The following MS4A5 variants were observed in gnomAD, a reference collection of about 807,000 sequenced individuals.
MS4A5 encodes membrane-spanning 4-domains subfamily A member 5.
In MS4A5, 15 loss-of-function variants were observed where a neutral mutation model predicts 18.2. The observed-to-expected ratio is 0.83, with a 90% CI of 0.55 to 1.27. The LOEUF (loss-of-function observed/expected upper bound fraction) is 1.27, where lower values mean the gene tolerates loss of function less well. Among genes scored for constraint, MS4A5 ranks in the 50% most tolerant of loss-of-function variants. The pLI, the probability that MS4A5 is intolerant of heterozygous loss-of-function variation, is 0.00. For synonymous variants in MS4A5, 89 were observed against 78.7 expected (o/e 1.13, Z -0.69); for missense variants, 232 against 225.7 (o/e 1.03, Z -0.18).
chr11:60,435,669 C>G (rs535916942), intron 4 of MS4A5, among the ~76,000 whole-genome samples: 2 of 152,322 alleles, frequency 1.3e-5, no homozygotes, highest in South Asian at 4.1e-4. Flanking sequence ...AAAGGGGTGA[C>G]GGACGGCACC....
intron 4 of MS4A5, among the ~76,000 whole-genome samples, chr11:60,444,593 A>T (rs1034231754): frequency 6.6e-5 from 10 of 152,218 alleles, no homozygotes; most frequent in African/African-American, 9.6e-5. Flanking sequence ...AGGCCAAAAA[A>T]AGATTAAGAC....
At chr11:60,440,863 G>A (rs2086107672) in intron 4 of MS4A5, among the ~76,000 whole-genome samples, 1 of 133,004 alleles carries the variant, frequency 7.5e-6, no homozygotes, top group Non-Finnish European at 1.6e-5. Flanking sequence ...GTGGAAGTCA[G>A]TGTGGCAATT....
rs184467115 is a variant in MS4A5, at chr11:60,436,437, C to A, written c.492+2520C>A. The stretch of plus-strand genomic sequence containing the variant: ...AAAGCTGGATGGAGAATGACTTTGA[C>A]GAGTTGAGAGGAGGCTTCAGACGAT... On this transcript the variant is annotated intron_variant, in intron 4 of 4. Transcript: ENST00000300190. 2.7e-4 allele frequency among the ~76,000 whole-genome samples: 37 copies of A among 139,222 alleles called. 9 individuals are homozygous for A. The highest frequency in any genetic ancestry group is 1.8e-3 in the Admixed American group (24 of 13,202). The allele number at this position is 139,222 out of a possible 152,430, so 91.3% of individuals were successfully genotyped here. A position where few individuals can be genotyped will look rare whatever the true frequency, so the allele number is the denominator to read the frequency against.
At chr11:60,445,265 C>CTT (rs201028859) in intron 4 of MS4A5, among the ~76,000 whole-genome samples, 1 of 145,544 alleles carries the variant, frequency 6.9e-6, no homozygotes, top group Non-Finnish European at 1.5e-5. Context: ...GACATTTCTT[C>CTT]TTTTTTTTTT....
At chr11:60,433,153 C>G (rs1565186598) in intron 3 of MS4A5, among the ~76,000 whole-genome samples, 1 of 152,122 alleles carries the variant, frequency 6.6e-6, no homozygotes, top group African/African-American at 2.4e-5. Flanking sequence ...GCATACCAGG[C>G]ACTTTGACAG....
chr11:60,432,441 G>A lies in MS4A5; in HGVS notation c.313G>A (p.Val105Met), dbSNP rs767437800. ...FINSGAFLIAVKRKTTETLII... is the reference protein window; with the variant it reads ...FINSGAFLIAMKRKTTETLII... The stretch of plus-strand genomic sequence containing the variant: ...TAATTCTGGAGCCTTCCTAATTGCA[G>A]TGAAAAGAAAAACCACAGAAACTCT... Residue 105 changes from valine to methionine, a missense_variant, in exon 3 of 5, where the codon GTG (valine) becomes ATG (methionine). Val to Met is a conservative substitution (Grantham distance 21, BLOSUM62 1). Coordinates refer to ENST00000300190, the MANE Select transcript of MS4A5 (RefSeq NM_023945.3). The A allele has an allele frequency of 6.3e-7, 1 of 1,593,310 alleles. No individual in the cohort carries two copies. Among genetic ancestry groups the A allele is most frequent in the South Asian group, 1.1e-5 (1 of 89,652 alleles).
chr11:60,444,097 C>G (rs1236511888), intron 4 of MS4A5, among the ~76,000 whole-genome samples: 1 of 152,206 alleles, frequency 6.6e-6, no homozygotes, highest in Non-Finnish European at 1.5e-5. Flanking sequence ...CTTCCCAACT[C>G]ACGAGTATTC....
chr11:60,443,000 G>C (rs2086122019), intron 4 of MS4A5, among the ~76,000 whole-genome samples: 1 of 152,124 alleles, frequency 6.6e-6, no homozygotes, highest in South Asian at 2.1e-4. Context: ...AATTAGCAGG[G>C]CATGGTGGTG....
chr11:60,434,846 AAAG>A (rs1367255439), intron 4 of MS4A5, among the ~76,000 whole-genome samples: 1 of 152,192 alleles, frequency 6.6e-6, no homozygotes, highest in African/African-American at 2.4e-5. Context: ...ACTGAAAGAG[AAAG>A]AAGTCAAGGT....
Position 60,433,909 on chromosome 11 carries a change from C to T in MS4A5, c.484C>T (p.Leu162=). The T allele has an allele frequency of 1.4e-5, 23 of 1,613,572 alleles. No homozygotes were observed. Among genetic ancestry groups the T allele is most frequent in the Non-Finnish European group, 1.9e-5 (23 of 1,179,770 alleles). The change falls in exon 4 of 5, where the codon CTG becomes TTG. Residue 162 remains leucine (L), a synonymous_variant. Transcript: ENST00000300190. ...TAGTCAGTGTAAGGCTGTTACTGTC[C>T]TGTTCTTGGTAAGTATGTTGCATTT... ...QNSQCKAVTV[L]FLGILITLMT...
intron 4 of MS4A5, among the ~76,000 whole-genome samples, chr11:60,440,663 A>G (rs1388021420): frequency 2.0e-5 from 3 of 149,452 alleles, no homozygotes; most frequent in South Asian, 2.1e-4. Flanking sequence ...GCAGCCAAAA[A>G]ACACATGAAA....
intron 4 of MS4A5, among the ~76,000 whole-genome samples, chr11:60,438,480 C>A (rs972600990): frequency 6.4e-4 from 98 of 151,956 alleles, no homozygotes; most frequent in Non-Finnish European, 1.3e-3. Context: ...TTAATGAATC[C>A]AGGAGCTGGT....
chr11:60,446,091 C>A (rs1258052202), intron 4 of MS4A5, among the ~76,000 whole-genome samples: 11 of 151,596 alleles, frequency 7.3e-5, no homozygotes, highest in African/African-American at 1.9e-4. Flanking sequence ...AACAAACAAA[C>A]AAAAAAACAC....
At chr11:60,437,537 G>A (rs2086087148) in intron 4 of MS4A5, among the ~76,000 whole-genome samples, 1 of 152,152 alleles carries the variant, frequency 6.6e-6, no homozygotes, top group Admixed American at 6.5e-5. Flanking sequence ...CATCTCATGT[G>A]CAGAGACACA....
chr11:60,444,308 C>T (rs1367056726), intron 4 of MS4A5, among the ~76,000 whole-genome samples: 1 of 152,158 alleles, frequency 6.6e-6, no homozygotes, highest in Non-Finnish European at 1.5e-5. Flanking sequence ...CACATTCAAA[C>T]ATCAATCAGT....
intron 4 of MS4A5, among the ~76,000 whole-genome samples, chr11:60,438,477 A>G (rs2086092812): frequency 6.6e-6 from 1 of 152,136 alleles, no homozygotes; most frequent in African/African-American, 2.4e-5. Flanking sequence ...AAATTAATGA[A>G]TCCAGGAGCT....
At chr11:60,434,122 G>A (rs1377412826) in intron 4 of MS4A5, among the ~76,000 whole-genome samples, 1 of 151,800 alleles carries the variant, frequency 6.6e-6, no homozygotes, top group Non-Finnish European at 1.5e-5. Flanking sequence ...CCCACCTTTA[G>A]GAATTCACAG....
At chr11:60,436,521 T>C (rs2086081582) in intron 4 of MS4A5, among the ~76,000 whole-genome samples, 1 of 135,284 alleles carries the variant, frequency 7.4e-6, no homozygotes, top group Non-Finnish European at 1.7e-5. Context: ...TTGAAAACTT[T>C]GAAAAAAATT....
At chr11:60,435,296 G>A (rs568562105) in intron 4 of MS4A5, 98 of 414,782 alleles carry the variant, frequency 2.4e-4, no homozygotes, top group Non-Finnish European at 3.6e-4. Flanking sequence ...AAGACAATGC[G>A]AATAACAACT....
Sources: allele counts gnomAD v4.1 joint callset (sites outside exome capture counted in the v4.1 genomes callset), GRCh38; gene constraint gnomAD v4.1.1; transcripts MANE v1.5; gene names NCBI Gene and HGNC (gene_info 2026-07-23, HGNC 2026-07-21).